Variants in PTPRM observed in about 807,000 individuals in gnomAD.
PTPRM encodes the protein receptor-type tyrosine-protein phosphatase mu.
PTPRM carries 47 observed loss-of-function variants against 186.7 expected under a neutral mutation model. The observed-to-expected ratio is 0.25, with a 90% CI of 0.20 to 0.32. PTPRM has a LOEUF of 0.32. PTPRM is among the 10% of genes least tolerant of loss of function. The pLI, the probability that PTPRM is intolerant of heterozygous loss-of-function variation, is 1.00. For missense variants in PTPRM, 1,494 were observed against 1,865.0 expected, an observed-to-expected ratio of 0.80 and a Z score of 3.66; for synonymous variants, 668 against 674.9, an observed-to-expected ratio of 0.99 and a Z score of 0.16.
chr18:7,897,946 A>G (rs1318874158), intron 3 of PTPRM, among the ~76,000 whole-genome samples: 2 of 152,206 alleles, frequency 1.3e-5, no homozygotes, highest in Non-Finnish European at 2.9e-5. Flanking sequence ...TTTAAAAATA[A>G]CATTGCAAGC....
At chr18:8,073,656 A>G (rs979446851) in intron 8 of PTPRM, among the ~76,000 whole-genome samples, 2 of 152,230 alleles carry the variant, frequency 1.3e-5, no homozygotes, top group Non-Finnish European at 2.9e-5. Flanking sequence ...TAATCCCAGT[A>G]CTTTGGGAGG....
chr18:7,587,144 A>G (rs1378683025), intron 1 of PTPRM, among the ~76,000 whole-genome samples: 1 of 152,176 alleles, frequency 6.6e-6, no homozygotes, highest in Non-Finnish European at 1.5e-5. Context: ...ATTTTTATGT[A>G]GTTGAATTAT....
chr18:7,806,907 C>G (rs1199152529), intron 2 of PTPRM, among the ~76,000 whole-genome samples: 1 of 152,144 alleles, frequency 6.6e-6, no homozygotes, highest in African/African-American at 2.4e-5. Flanking sequence ...ACTTTGTTTT[C>G]TTTTTCTTTT....
chr18:7,616,999 A>G (rs2037821851), intron 1 of PTPRM, among the ~76,000 whole-genome samples: 1 of 152,166 alleles, frequency 6.6e-6, no homozygotes, highest in Non-Finnish European at 1.5e-5. Flanking sequence ...AAGTACAGAG[A>G]GGGAGGTTCT....
intron 17 of PTPRM, among the ~76,000 whole-genome samples, chr18:8,250,722 G>A (rs773568105): frequency 9.9e-5 from 15 of 151,754 alleles, no homozygotes; most frequent in Non-Finnish European, 1.8e-4. Context: ...CCAGGAGTTT[G>A]GGGCTGCAGT....
At chr18:7,958,032 C>T (rs771492118) in intron 7 of PTPRM, among the ~76,000 whole-genome samples, 3 of 151,978 alleles carry the variant, frequency 2.0e-5, no homozygotes, top group Non-Finnish European at 4.4e-5. Flanking sequence ...AAATCTAAAT[C>T]CTTCCTGTAT....
intron 2 of PTPRM, among the ~76,000 whole-genome samples, chr18:7,822,996 A>T (rs1311065907): frequency 6.6e-6 from 1 of 152,048 alleles, no homozygotes; most frequent in South Asian, 2.1e-4. Context: ...TGCCCACTAG[A>T]TGTACACCCC....
intron 2 of PTPRM, among the ~76,000 whole-genome samples, chr18:7,796,526 C>T (rs1266394952): frequency 6.6e-6 from 1 of 152,188 alleles, no homozygotes; most frequent in East Asian, 1.9e-4. Flanking sequence ...CACAGCAGGT[C>T]TGAGCAGGGT....
chr18:8,233,363 A>T (rs184738361), intron 14 of PTPRM, among the ~76,000 whole-genome samples: 131 of 152,326 alleles, frequency 8.6e-4, no homozygotes, highest in African/African-American at 3.1e-3. Flanking sequence ...TTGGCCTTAT[A>T]ACAGATGTGT....
intron 13 of PTPRM, among the ~76,000 whole-genome samples, chr18:8,140,579 T>G (rs1414043622): frequency 6.6e-6 from 1 of 151,716 alleles, no homozygotes; most frequent in Admixed American, 6.6e-5. Context: ...TCACTAGGAG[T>G]CAGTAGACTG....
At chr18:7,631,606 A>C (rs1360381960) in intron 1 of PTPRM, among the ~76,000 whole-genome samples, 1 of 152,168 alleles carries the variant, frequency 6.6e-6, no homozygotes, top group African/African-American at 2.4e-5. Context: ...GTGGCCCAAC[A>C]CAAATTTGTA....
chr18:7,604,337 C>T (rs1318961930), intron 1 of PTPRM, among the ~76,000 whole-genome samples: 1 of 152,154 alleles, frequency 6.6e-6, no homozygotes. Context: ...AGGTTCGTGA[C>T]CAGTTTGGAC....
At chr18:8,163,235 A>G (rs2093264286) in intron 14 of PTPRM, among the ~76,000 whole-genome samples, 1 of 152,106 alleles carries the variant, frequency 6.6e-6, no homozygotes, top group South Asian at 2.1e-4. Context: ...ATTCATTTGA[A>G]TCTCCAAACA....
chr18:7,649,029 G>A (rs2144255785), intron 1 of PTPRM, among the ~76,000 whole-genome samples: 1 of 152,286 alleles, frequency 6.6e-6, no homozygotes, highest in South Asian at 2.1e-4. Context: ...AATGCAGCTG[G>A]TGACTTTAAG....
In PTPRM at chr18:8,029,705, G is replaced by A. The variant is rs556927063; in HGVS notation, c.1133-39981G>A. Reference sequence around the variant, plus strand: ...TCTTCCCCACCAATGTGAGCTCCTCGAGAGTAGAGATTGTGTCTTATATAC... The same window carrying A: ...TCTTCCCCACCAATGTGAGCTCCTCAAGAGTAGAGATTGTGTCTTATATAC... On this transcript the variant is annotated intron_variant, in intron 7 of 32. Transcript: ENST00000580170. 2.6e-5 allele frequency among the ~76,000 whole-genome samples: 4 copies of A among 152,260 alleles called. No individual in the cohort carries two copies. The South Asian group carries it at 8.3e-4, about 32-fold the overall frequency.
intron 7 of PTPRM, among the ~76,000 whole-genome samples, chr18:7,979,968 G>C (rs185455640): frequency 2.6e-5 from 4 of 152,092 alleles, no homozygotes; most frequent in Non-Finnish European, 5.9e-5. Context: ...CCCAGCTCTC[G>C]CTCCTGCCTC....
chr18:8,087,404 G>A (rs535626187), intron 10 of PTPRM, among the ~76,000 whole-genome samples: 1 of 152,058 alleles, frequency 6.6e-6, no homozygotes, highest in Non-Finnish European at 1.5e-5. Context: ...AAGAAAAGAG[G>A]TTTAATTTAC....
intron 14 of PTPRM, among the ~76,000 whole-genome samples, chr18:8,234,426 A>G (rs1475081901): frequency 6.6e-6 from 1 of 152,174 alleles, no homozygotes; most frequent in Non-Finnish European, 1.5e-5. Context: ...TTGTATATTA[A>G]CCTGGTATCC....
intron 1 of PTPRM, among the ~76,000 whole-genome samples, chr18:7,670,088 A>G (rs2039186010): frequency 6.6e-6 from 1 of 152,208 alleles, no homozygotes; most frequent in African/African-American, 2.4e-5. Context: ...ACATTTAAAA[A>G]AGTAAAGTTT....
Sources: allele counts gnomAD v4.1 joint callset (sites outside exome capture counted in the v4.1 genomes callset), GRCh38; gene constraint gnomAD v4.1.1; transcripts MANE v1.5; gene names NCBI Gene and HGNC (gene_info 2026-07-23, HGNC 2026-07-21).